Variants in C2orf76 observed in about 807,000 individuals in gnomAD.
C2orf76 encodes chromosome 2 open reading frame 76, also known as UPF0538 protein C2orf76.
C2orf76 carries 23 observed loss-of-function variants against 16.9 expected under a neutral mutation model. The ratio of observed to expected loss-of-function variants is 1.36; its 90% CI spans 0.98 to 1.93. C2orf76 has a LOEUF of 1.93. Ranked by LOEUF, C2orf76 falls within the 30% of genes most tolerant of loss-of-function variation. The pLI is 0.00. For missense variants in C2orf76, 152 were observed against 152.6 expected (o/e 1.00, Z 0.02); for synonymous variants, 48 against 52.3 (o/e 0.92, Z 0.35).
At chr2:119,286,387 T>C in the C2orf76 span, among the ~76,000 whole-genome samples, 11 of 152,002 alleles carry the variant, frequency 7.2e-5, no homozygotes, top group Non-Finnish European at 1.3e-4. Flanking sequence ...AGATGGTCCT[T>C]GGTTGTGCCT....
At chr2:119,343,505 C>T (rs62156989) in intron 1 of C2orf76, among the ~76,000 whole-genome samples, 3 of 139,366 alleles carry the variant, frequency 2.2e-5, no homozygotes, top group South Asian at 2.2e-4. Context: ...CACACACACA[C>T]ACACACACAC....
intron 5 of C2orf76, among the ~76,000 whole-genome samples, chr2:119,308,327 T>G (rs927038132): frequency 1.3e-5 from 2 of 152,226 alleles, no homozygotes; most frequent in African/African-American, 4.8e-5. Flanking sequence ...TAATCTTACA[T>G]GTATACTTTA....
At chr2:119,326,720 C>T (rs1679520147) in intron 2 of C2orf76, among the ~76,000 whole-genome samples, 1 of 152,130 alleles carries the variant, frequency 6.6e-6, no homozygotes, top group African/African-American at 2.4e-5. Flanking sequence ...TCTCCATTTA[C>T]TTAGGTCTCT....
chr2:119,363,356 G>A (rs1391484839), intron 1 of C2orf76, among the ~76,000 whole-genome samples: 4 of 151,000 alleles, frequency 2.6e-5, no homozygotes, highest in South Asian at 2.1e-4. Flanking sequence ...CCCGGGAGGC[G>A]GAGCTTGCAG....
intron 5 of C2orf76, among the ~76,000 whole-genome samples, chr2:119,304,004 G>A (rs1678698564): frequency 6.6e-6 from 1 of 152,148 alleles, no homozygotes; most frequent in African/African-American, 2.4e-5. Context: ...GCATCTAAAA[G>A]AATGGGTAAA....
the C2orf76 span, among the ~76,000 whole-genome samples, chr2:119,284,685 T>TG: frequency 6.6e-6 from 1 of 151,354 alleles, no homozygotes; most frequent in African/African-American, 2.4e-5. Flanking sequence ...ATTTTGGTTT[T>TG]TTTTTTTTTT....
chr2:119,344,843 T>C (rs1680148180), intron 1 of C2orf76, among the ~76,000 whole-genome samples: 1 of 152,112 alleles, frequency 6.6e-6, no homozygotes, highest in Non-Finnish European at 1.5e-5. Flanking sequence ...ATCTGTGAAA[T>C]CTAACAGAGA....
At chr2:119,297,022 G>A in the C2orf76 span, among the ~76,000 whole-genome samples, 1 of 152,164 alleles carries the variant, frequency 6.6e-6, no homozygotes, top group Non-Finnish European at 1.5e-5. Context: ...TGAGGGTGAG[G>A]GTTCCTTGCT....
In C2orf76 at chr2:119,339,810, G is replaced by A. The variant is rs60870096; in HGVS notation, c.133+17C>T. ...TAAAAACTACTAGTAAAACAAAATG[G>A]CTTTCACATCTCATACCTTGCTTTA... On this transcript the variant is annotated intron_variant, in intron 2 of 5. Transcript: ENST00000334816. The A allele has an allele frequency of 8.2e-4, 1,297 of 1,578,296 alleles. 12 individuals are homozygous for A. The African/African-American group carries it at 0.015, about 18-fold the overall frequency.
chr2:119,349,213 T>C (rs1680303284), intron 1 of C2orf76, among the ~76,000 whole-genome samples: 1 of 152,244 alleles, frequency 6.6e-6, no homozygotes, highest in African/African-American at 2.4e-5. Flanking sequence ...CATGTGTTTT[T>C]AAATTAAGCT....
intron 1 of C2orf76, among the ~76,000 whole-genome samples, chr2:119,362,985 C>G (rs546181992): frequency 6.6e-6 from 1 of 152,242 alleles, no homozygotes; most frequent in African/African-American, 2.4e-5. Context: ...TGCCAGGCCT[C>G]CTCTCACCAG....
chr2:119,336,686 T>A (rs1228468821), intron 2 of C2orf76, among the ~76,000 whole-genome samples: 1 of 151,908 alleles, frequency 6.6e-6, no homozygotes, highest in Admixed American at 6.6e-5. Context: ...AAAAATAAAA[T>A]TTAATTTAAA....
rs183763811 is a variant in C2orf76, at chr2:119,337,422, T to A, written c.133+2405A>T. Reference sequence around the variant, plus strand: ...CTTAGTTTCTTCACCTGTAAAATGGTTCCAACTTTAGAGGGATGCTGTGAG... The same window carrying A: ...CTTAGTTTCTTCACCTGTAAAATGGATCCAACTTTAGAGGGATGCTGTGAG... On this transcript the variant is annotated intron_variant, in intron 2 of 5. Transcript: ENST00000334816. Among the ~76,000 whole-genome samples, 345 of 152,276 alleles carry A rather than the reference T, an allele frequency of 2.3e-3. 1 individual carries two copies. The highest frequency in any genetic ancestry group is 7.5e-3 in the African/African-American group (311 of 41,560).
chr2:119,301,076 A>C (rs1020237989), downstream of C2orf76, among the ~76,000 whole-genome samples: 17 of 146,144 alleles, frequency 1.2e-4, no homozygotes, highest in Non-Finnish European at 2.0e-4. Flanking sequence ...ACTTCTTAAA[A>C]ACACACACAC....
chr2:119,350,332 T>C (rs1401789783), intron 1 of C2orf76, among the ~76,000 whole-genome samples: 1 of 152,110 alleles, frequency 6.6e-6, no homozygotes, highest in Non-Finnish European at 1.5e-5. Context: ...GTAGGATACG[T>C]GTATATTTCA....
At chr2:119,283,289 T>C in the C2orf76 span, among the ~76,000 whole-genome samples, 10 of 152,246 alleles carry the variant, frequency 6.6e-5, no homozygotes, top group South Asian at 2.1e-3. Flanking sequence ...AGCTTGGCAA[T>C]GGAAGCTTCC....
rs144030846 is a variant in C2orf76, at chr2:119,320,290, A to AT, written c.184+863dup. ...TGTAAGTTGATTCAAGTTTAAGGCT[A>AT]TATTTCAAGACATTATACTTTGAAA... is the stretch of plus-strand genomic sequence containing the variant. On this transcript the variant is annotated intron_variant, in intron 3 of 5. Transcript: ENST00000334816. Among the ~76,000 whole-genome samples the AT allele has an allele frequency of 4.3e-3, 656 of 152,330 alleles. 6 individuals carry two copies. The highest frequency in any genetic ancestry group is 0.015 in the African/African-American group (613 of 41,574).
At chr2:119,361,066 A>C (rs1315492014) in intron 1 of C2orf76, among the ~76,000 whole-genome samples, 7 of 152,202 alleles carry the variant, frequency 4.6e-5, no homozygotes, top group Non-Finnish European at 8.8e-5. Context: ...TATCAATGTC[A>C]ATGTATTGAT....
At chr2:119,308,868 G>C (rs72840974) in intron 5 of C2orf76, among the ~76,000 whole-genome samples, 3 of 152,068 alleles carry the variant, frequency 2.0e-5, no homozygotes, top group African/African-American at 7.2e-5. Context: ...TGGTCAAACC[G>C]ACCCACAGAA....
Sources: allele counts gnomAD v4.1 joint callset (sites outside exome capture counted in the v4.1 genomes callset), GRCh38; gene constraint gnomAD v4.1.1; transcripts MANE v1.5; gene names NCBI Gene and HGNC (gene_info 2026-07-23, HGNC 2026-07-21).